The following MACROD2 variants were observed in gnomAD, a reference collection of about 807,000 sequenced individuals.
The protein encoded by MACROD2 is ADP-ribose glycohydrolase MACROD2.
Under a neutral mutation model 70.4 loss-of-function variants are expected in MACROD2, and 36 were observed. The ratio of observed to expected loss-of-function variants is 0.51; its 90% CI spans 0.39 to 0.68. The LOEUF (loss-of-function observed/expected upper bound fraction) is 0.68, where lower values mean the gene tolerates loss of function less well. MACROD2 is among the 30% of genes least tolerant of loss of function. MACROD2 has a pLI of 0.00. For missense variants in MACROD2, 496 were observed against 538.4 expected (o/e 0.92, Z 0.78); for synonymous variants, 172 against 178.8 (o/e 0.96, Z 0.30).
At chr20:14,679,317 G>A (rs1397892376) in intron 4 of MACROD2, among the ~76,000 whole-genome samples, 1 of 152,128 alleles carries the variant, frequency 6.6e-6, no homozygotes, top group Non-Finnish European at 1.5e-5. Flanking sequence ...AAAAGGAGAG[G>A]GAATAGAAAG....
chr20:14,484,464 T>C (rs1014961470), intron 3 of MACROD2, among the ~76,000 whole-genome samples: 1 of 152,176 alleles, frequency 6.6e-6, no homozygotes, highest in African/African-American at 2.4e-5. Context: ...CTTTTAGTTA[T>C]TTTTAAATAT....
intron 3 of MACROD2, among the ~76,000 whole-genome samples, chr20:14,166,486 A>C (rs143530625): frequency 0.014 from 2,063 of 152,274 alleles, 20 homozygotes; most frequent in South Asian, 0.036. Flanking sequence ...AGGGATTCAA[A>C]TATTACTTCT....
chr20:14,593,484 C>G lies in MACROD2; in HGVS notation c.302-91359C>G, dbSNP rs75730918. Reference sequence around the variant, plus strand: ...AACAGCTTTGTGGTGGCAAAACAAACGTGCTTTGGGAAAGCTAAGAATAAC... The same window carrying G: ...AACAGCTTTGTGGTGGCAAAACAAAGGTGCTTTGGGAAAGCTAAGAATAAC... On this transcript the variant is annotated intron_variant, in intron 4 of 17. Coordinates refer to ENST00000684519, the MANE Select transcript of MACROD2 (RefSeq NM_001351661.2). Among the ~76,000 whole-genome samples the G allele has an allele frequency of 7.2e-5, 11 of 152,234 alleles. No homozygotes were observed. The East Asian group carries it at 1.3e-3, about 19-fold the overall frequency.
chr20:15,636,292 T>C (rs2049368118), intron 8 of MACROD2, among the ~76,000 whole-genome samples: 2 of 152,100 alleles, frequency 1.3e-5, no homozygotes, highest in Admixed American at 1.3e-4. Context: ...GAACACATTC[T>C]AGAAGAACCA....
At chr20:14,865,218 C>T (rs1307419632) in intron 5 of MACROD2, among the ~76,000 whole-genome samples, 4 of 152,088 alleles carry the variant, frequency 2.6e-5, no homozygotes, top group South Asian at 2.1e-4. Context: ...GAATTTCTGC[C>T]TTGGCAACGT....
chr20:15,454,462 A>C (rs2046693455), intron 7 of MACROD2, among the ~76,000 whole-genome samples: 1 of 145,520 alleles, frequency 6.9e-6, no homozygotes, highest in East Asian at 2.0e-4. Flanking sequence ...CACCCTTATT[A>C]TACAACTTAG....
chr20:15,937,687 C>T (rs1310046815), intron 12 of MACROD2, 143 bp downstream of exon 12: 6 of 607,182 alleles, frequency 9.9e-6, no homozygotes, highest in South Asian at 9.6e-5. Context: ...TTGACTACAC[C>T]ACCTACTCTC....
intron 8 of MACROD2, among the ~76,000 whole-genome samples, chr20:15,772,312 A>G (rs2051649530): frequency 6.6e-6 from 1 of 151,612 alleles, no homozygotes; most frequent in Admixed American, 6.6e-5. Context: ...AAGTACATAC[A>G]TTGACTTAAT....
rs150210305 is a variant in MACROD2, at chr20:15,191,931, T to TATAGAGAGAGAG, written c.419-38008_419-38007insTAGAGAGAGAGA. Among the ~76,000 whole-genome samples, 156 of 142,374 alleles carry TATAGAGAGAGAG rather than the reference T, an allele frequency of 1.1e-3. 4 individuals are homozygous for TATAGAGAGAGAG. Among genetic ancestry groups the TATAGAGAGAGAG allele is most frequent in the African/African-American group, 4.0e-3 (152 of 38,242 alleles). The allele number at this position is 142,374 out of a possible 152,430, so 93.4% of individuals were successfully genotyped here. A position where few individuals can be genotyped will look rare whatever the true frequency, so the allele number is the denominator to read the frequency against. On this transcript the variant is annotated intron_variant, in intron 5 of 17. Transcript: ENST00000684519. ...ACACATATGTGTATATATATATATA[T>TATAGAGAGAGAG]AGAGAGAGAGAGAGTTAATACATAT...
At chr20:15,626,564 C>G (rs1395696564) in intron 8 of MACROD2, among the ~76,000 whole-genome samples, 1 of 152,154 alleles carries the variant, frequency 6.6e-6, no homozygotes, top group Non-Finnish European at 1.5e-5. Flanking sequence ...ATTTAGAAAA[C>G]TGCAAATGGG....
At chr20:14,673,944 A>T (rs1369245046) in intron 4 of MACROD2, among the ~76,000 whole-genome samples, 1 of 151,842 alleles carries the variant, frequency 6.6e-6, no homozygotes, top group African/African-American at 2.4e-5. Context: ...AAAAAAGGAA[A>T]AGGTAATAAA....
chr20:15,708,272 G>A (rs978254853), intron 8 of MACROD2, among the ~76,000 whole-genome samples: 1 of 152,004 alleles, frequency 6.6e-6, no homozygotes, highest in African/African-American at 2.4e-5. Flanking sequence ...AATACCCATA[G>A]TAAAAAGCAA....
At chr20:15,280,132 C>G (rs756794518) in intron 6 of MACROD2, among the ~76,000 whole-genome samples, 7 of 152,160 alleles carry the variant, frequency 4.6e-5, no homozygotes, top group Non-Finnish European at 1.0e-4. Flanking sequence ...ATGATTATTA[C>G]TTTATTTTCT....
intron 5 of MACROD2, among the ~76,000 whole-genome samples, chr20:15,102,960 C>A (rs1269059447): frequency 6.6e-6 from 1 of 151,898 alleles, no homozygotes; most frequent in East Asian, 1.9e-4. Flanking sequence ...CATTATGATG[C>A]CTTTATAAAA....
intron 2 of MACROD2, among the ~76,000 whole-genome samples, chr20:14,045,721 G>GT (rs1325418634): frequency 6.6e-6 from 1 of 152,106 alleles, no homozygotes; most frequent in Non-Finnish European, 1.5e-5. Flanking sequence ...AAATTACTAG[G>GT]TAAGACAATG....
intron 4 of MACROD2, among the ~76,000 whole-genome samples, chr20:14,634,035 C>T (rs1349092265): frequency 2.0e-5 from 3 of 152,188 alleles, no homozygotes; most frequent in Admixed American, 2.0e-4. Context: ...GCTCTCCTCA[C>T]CTGACACTTT....
At chr20:15,381,233 A>C (rs549724138) in intron 6 of MACROD2, among the ~76,000 whole-genome samples, 24 of 152,168 alleles carry the variant, frequency 1.6e-4, no homozygotes, top group African/African-American at 5.1e-4. Context: ...TCTTTGTTAA[A>C]CATTTACCAG....
intron 2 of MACROD2, among the ~76,000 whole-genome samples, chr20:14,078,896 A>G (rs2053952329): frequency 6.6e-6 from 1 of 152,358 alleles, no homozygotes; most frequent in African/African-American, 2.4e-5. Context: ...GTAAATATTA[A>G]TAATAAAACA....
At chr20:15,463,846 TTTA>T (rs2046850096) in intron 7 of MACROD2, among the ~76,000 whole-genome samples, 1 of 152,214 alleles carries the variant, frequency 6.6e-6, no homozygotes, top group Non-Finnish European at 1.5e-5. Flanking sequence ...TACTGAATAT[TTTA>T]TTCCAAACTT....
Sources: allele counts gnomAD v4.1 joint callset (sites outside exome capture counted in the v4.1 genomes callset), GRCh38; gene constraint gnomAD v4.1.1; transcripts MANE v1.5; gene names NCBI Gene and HGNC (gene_info 2026-07-23, HGNC 2026-07-21).